The following ASIP variants were observed in gnomAD, a reference collection of about 807,000 sequenced individuals.
ASIP encodes agouti signaling protein.
ASIP carries 11 observed loss-of-function variants against 10.3 expected under a neutral mutation model. That is an observed-to-expected ratio of 1.07 (90% confidence interval 0.68 to 1.78). The LOEUF (loss-of-function observed/expected upper bound fraction) is 1.78. ASIP is among the 40% of genes most tolerant of loss of function. ASIP has a pLI of 0.00. For missense variants in ASIP, 180 were observed against 169.2 expected, an observed-to-expected ratio of 1.06 and a Z score of -0.35; for synonymous variants, 70 against 70.8, an observed-to-expected ratio of 0.99 and a Z score of 0.06.
intron 1 of ASIP, among the ~76,000 whole-genome samples, chr20:34,223,071 G>GT (rs1230789080): frequency 6.6e-6 from 1 of 151,950 alleles, no homozygotes; most frequent in East Asian, 1.9e-4. Flanking sequence ...AGTGAGGAGT[G>GT]TCTCTGCCTG....
intron 1 of ASIP, among the ~76,000 whole-genome samples, chr20:34,197,840 C>T (rs143286569): frequency 2.0e-5 from 3 of 152,232 alleles, no homozygotes; most frequent in East Asian, 1.9e-4. Context: ...CTTGCATCTG[C>T]GTATAACTAC....
chr20:34,215,389 T>C (rs2035000834), intron 1 of ASIP: 4 of 1,567,524 alleles, frequency 2.6e-6, no homozygotes, highest in Non-Finnish European at 3.5e-6. Flanking sequence ...TATGAGAGTA[T>C]TCCTGTGAGC....
chr20:34,209,209 G>C (rs905892580), intron 1 of ASIP, among the ~76,000 whole-genome samples: 3 of 152,226 alleles, frequency 2.0e-5, no homozygotes, highest in African/African-American at 7.2e-5. Flanking sequence ...CACAGAGCTG[G>C]TGGGAGCCGG....
intron 1 of ASIP, among the ~76,000 whole-genome samples, chr20:34,232,177 T>A (rs570421619): frequency 6.6e-5 from 10 of 152,338 alleles, no homozygotes; most frequent in African/African-American, 2.4e-4. Context: ...TAAGTGAGCT[T>A]GCTTTTTAAC....
chr20:34,232,985 G>A (rs781744851), intron 1 of ASIP, among the ~76,000 whole-genome samples: 1 of 152,128 alleles, frequency 6.6e-6, no homozygotes, highest in East Asian at 1.9e-4. Flanking sequence ...GGAGTTTAAC[G>A]TGTTCTCCCT....
chr20:34,187,162 CCAAT>C, the ASIP span, among the ~76,000 whole-genome samples: 15 of 152,142 alleles, frequency 9.9e-5, no homozygotes, highest in African/African-American at 2.9e-4. Flanking sequence ...CAAAGGAGAA[CCAAT>C]CAATCAGTCA....
intron 1 of ASIP, among the ~76,000 whole-genome samples, chr20:34,201,010 TTCCTTCC>T (rs1407183404): frequency 3.5e-5 from 3 of 86,324 alleles, no homozygotes; most frequent in South Asian, 3.4e-4. Context: ...CCTTCCTTCC[TTCCTTCC>T]TTCTTTCTTT....
chr20:34,251,437 A>AT (rs200561843), intron 1 of ASIP, among the ~76,000 whole-genome samples: 1,672 of 150,836 alleles, frequency 0.011, 25 homozygotes, highest in African/African-American at 0.038. Context: ...CGCCCGGCTG[A>AT]TTTTTTTTTG....
chr20:34,237,519 T>C (rs1305581901), upstream of ASIP, among the ~76,000 whole-genome samples: 1 of 152,236 alleles, frequency 6.6e-6, no homozygotes, highest in African/African-American at 2.4e-5. Context: ...GCTACTTTGC[T>C]AAACTGATTT....
chr20:34,223,173 A>G (rs1210457831), intron 1 of ASIP, among the ~76,000 whole-genome samples: 4 of 149,494 alleles, frequency 2.7e-5, no homozygotes, highest in Non-Finnish European at 5.9e-5. Flanking sequence ...CATCCCATCT[A>G]GGAAGTGAGG....
intron 1 of ASIP, among the ~76,000 whole-genome samples, chr20:34,197,004 T>C (rs544889493): frequency 6.7e-6 from 1 of 148,526 alleles, no homozygotes; most frequent in South Asian, 2.2e-4. Context: ...TTTTTTTTTT[T>C]AAATTCAAAC....
At chr20:34,244,154 A>T (rs1439242909) in intron 1 of ASIP, among the ~76,000 whole-genome samples, 2 of 152,202 alleles carry the variant, frequency 1.3e-5, no homozygotes. Context: ...AGTTTCTTAG[A>T]AGTGTCCGCA....
rs1016521623 is a variant in ASIP, at chr20:34,241,433, T to C, written c.-67T>C. 2.0e-6 allele frequency: 2 copies of C among 985,058 alleles called. No homozygotes were observed. Among genetic ancestry groups the C allele is most frequent in the African/African-American group, 3.5e-5 (2 of 57,244 alleles). The allele number at this position is 985,058 out of a possible 1,614,324, so 61.0% of individuals were successfully genotyped here. On this transcript the variant is annotated 5_prime_UTR_variant, in exon 1 of 4. Coordinates refer to ENST00000374954, the MANE Select transcript of ASIP (RefSeq NM_001672.3). ...TATAGATGAGCAAGCAGCAAATCTC[T>C]ACAGCTGCAAGGTGAAAAAGGAAGT... is the stretch of plus-strand genomic sequence containing the variant.
chr20:34,233,191 A>G (rs2035135795), intron 1 of ASIP, among the ~76,000 whole-genome samples: 1 of 127,868 alleles, frequency 7.8e-6, no homozygotes, highest in African/African-American at 3.3e-5. Flanking sequence ...TCTGTTGCCC[A>G]GGCTGGAGTA....
chr20:34,202,261 C>T (rs1417692819), intron 1 of ASIP, among the ~76,000 whole-genome samples: 1 of 152,132 alleles, frequency 6.6e-6, no homozygotes, highest in Non-Finnish European at 1.5e-5. Context: ...TGAATGGCTA[C>T]TGAGCGCTTG....
At chr20:34,187,997 C>A in the ASIP span, among the ~76,000 whole-genome samples, 2 of 152,288 alleles carry the variant, frequency 1.3e-5, no homozygotes, top group South Asian at 4.1e-4. Flanking sequence ...TCAGGCTGAG[C>A]CTGTAATTGT....
chr20:34,245,123 C>T (rs550059727), intron 1 of ASIP, among the ~76,000 whole-genome samples: 220 of 151,918 alleles, frequency 1.4e-3, no homozygotes, highest in East Asian at 4.7e-3. Context: ...ATCACGAGGT[C>T]AGGAGTTCGA....
At chr20:34,257,056 C>G (rs1197567087) in intron 1 of ASIP, among the ~76,000 whole-genome samples, 3 of 136,684 alleles carry the variant, frequency 2.2e-5, no homozygotes, top group Non-Finnish European at 4.6e-5. Context: ...TTCTTTCTCT[C>G]TCTCTTTCTT....
intron 3 of ASIP, among the ~76,000 whole-genome samples, chr20:34,263,503 T>TG: frequency 6.6e-6 from 1 of 152,174 alleles, no homozygotes; most frequent in East Asian, 1.9e-4. Context: ...AGGTGGAGGT[T>TG]GCAGTGAGCT....
Sources: allele counts gnomAD v4.1 joint callset (sites outside exome capture counted in the v4.1 genomes callset), GRCh38; gene constraint gnomAD v4.1.1; transcripts MANE v1.5; gene names NCBI Gene and HGNC (gene_info 2026-07-23, HGNC 2026-07-21).